The following ACBD3 variants were observed in gnomAD, a reference collection of about 807,000 sequenced individuals.
ACBD3 encodes acyl-CoA binding domain containing 3.
In ACBD3, 30 loss-of-function variants were observed where a neutral mutation model predicts 66.9. That is an observed-to-expected ratio of 0.45 (90% CI 0.34 to 0.61). The LOEUF (loss-of-function observed/expected upper bound fraction) is 0.61, where lower values mean the gene tolerates loss of function less well. ACBD3 is among the 20% of genes least tolerant of loss of function. The pLI is 0.02. For missense variants in ACBD3, 544 were observed against 664.5 expected, an observed-to-expected ratio of 0.82 and a Z score of 1.99; for synonymous variants, 278 against 259.8, an observed-to-expected ratio of 1.07 and a Z score of -0.68.
chr1:226,170,008 G>A (rs1316480575), intron 1 of ACBD3, among the ~76,000 whole-genome samples: 2 of 122,300 alleles, frequency 1.6e-5, no homozygotes, highest in African/African-American at 3.1e-5. Flanking sequence ...GAAACAGAGC[G>A]AGATTCCATC....
At chr1:226,186,369 G>A (rs1009644415) in intron 1 of ACBD3, 21 bp downstream of exon 1, 1 of 1,503,106 alleles carries the variant, frequency 6.7e-7, no homozygotes, top group Non-Finnish European at 8.9e-7. Context: ...AAGCGGCGGG[G>A]GTGGGGCTGG....
chr1:226,178,122 G>A (rs1452561654), intron 1 of ACBD3, among the ~76,000 whole-genome samples: 2 of 151,914 alleles, frequency 1.3e-5, no homozygotes, highest in Non-Finnish European at 2.9e-5. Context: ...CATTTTTCAG[G>A]CAATTAAAAA....
chr1:226,173,275 C>T (rs557032581), intron 1 of ACBD3, among the ~76,000 whole-genome samples: 2 of 151,882 alleles, frequency 1.3e-5, no homozygotes, highest in South Asian at 2.1e-4. Flanking sequence ...TGTCTCAAAA[C>T]GAAACAAAAT....
At chr1:226,180,647 G>C (rs79547729) in intron 1 of ACBD3, among the ~76,000 whole-genome samples, 1 of 152,252 alleles carries the variant, frequency 6.6e-6, no homozygotes, top group African/African-American at 2.4e-5. Context: ...GTGTACTTTA[G>C]TGCACTGCAT....
rs538406368 is a variant in ACBD3, at chr1:226,179,386, G to T, written c.286+7004C>A. Among the ~76,000 whole-genome samples, 55 of 152,104 alleles carry T rather than the reference G, an allele frequency of 3.6e-4. 1 individual carries two copies. Among genetic ancestry groups the T allele is most frequent in the African/African-American group, 1.2e-3 (48 of 41,494 alleles). ...GATGCCTCAAACAAGCAGTATCCACGGCTTGTTTGAGGTGTACTCCTTGGT... is the reference window on the plus strand; with the variant it reads ...GATGCCTCAAACAAGCAGTATCCACTGCTTGTTTGAGGTGTACTCCTTGGT... On this transcript the variant is annotated intron_variant, in intron 1 of 7. Coordinates refer to ENST00000366812, the MANE Select transcript of ACBD3 (RefSeq NM_022735.4).
chr1:226,154,790 G>T lies in ACBD3; in HGVS notation c.947C>A (p.Ser316Tyr). 1 of 1,612,270 alleles carries T rather than the reference G, an allele frequency of 6.2e-7. No homozygotes were observed. Among genetic ancestry groups the T allele is most frequent in the Non-Finnish European group, 8.5e-7 (1 of 1,179,090 alleles). ...KQQEVVVAGSSLPTSSKVNAT... is the reference protein window; with the variant it reads ...KQQEVVVAGSYLPTSSKVNAT... Reference sequence around the variant, plus strand: ...ATTCACTTTTGATGATGTAGGCAAGGAAGACCCAGCCACTACTACTTCCTG... The same window carrying T: ...ATTCACTTTTGATGATGTAGGCAAGTAAGACCCAGCCACTACTACTTCCTG... Residue 316 changes from serine (S) to tyrosine (Y), a missense_variant, in exon 6 of 8, where the codon TCC becomes TAC. Physicochemically the swap from Ser to Tyr is moderately radical, Grantham distance 144. This residue lies in a region of ACBD3 where 383 missense variants were observed against 462.4 expected (regional missense o/e 0.83). Transcript: ENST00000366812.
intron 1 of ACBD3, among the ~76,000 whole-genome samples, chr1:226,174,065 G>T (rs958363438): frequency 5.3e-5 from 8 of 151,788 alleles, no homozygotes; most frequent in Non-Finnish European, 8.8e-5. Context: ...ACCCAACCAA[G>T]AATAATTTTC....
At position 226,186,379 on chromosome 1, in the gene ACBD3, G is replaced by C. The variant is rs1406785336; in HGVS notation, c.286+11C>G. The C allele has an allele frequency of 6.6e-7, 1 of 1,511,460 alleles. No individual in the cohort carries two copies. The highest frequency in any genetic ancestry group is 1.4e-5 in the African/African-American group (1 of 69,028). The allele number at this position is 1,511,460 out of a possible 1,614,324, so 93.6% of individuals were successfully genotyped here. ...GGCAGAAGCGGCGGGGGTGGGGCTG[G>C]CCCGGCTCACCTTTGAAGAAGCGCA... On this transcript the variant is annotated intron_variant, in intron 1 of 7. Coordinates refer to ENST00000366812, the MANE Select transcript of ACBD3 (RefSeq NM_022735.4).
chr1:226,184,801 G>GA (rs1186341460), intron 1 of ACBD3, among the ~76,000 whole-genome samples: 2 of 151,248 alleles, frequency 1.3e-5, no homozygotes, highest in Non-Finnish European at 2.9e-5. Context: ...ATATTGAAGC[G>GA]ATTCTTTTTT....
At chr1:226,176,429 CAAAAA>C (rs34313392) in intron 1 of ACBD3, among the ~76,000 whole-genome samples, 3 of 83,346 alleles carry the variant, frequency 3.6e-5, no homozygotes, top group Non-Finnish European at 6.6e-5. Flanking sequence ...GACTCCGTCT[CAAAAA>C]AAAAAAAAAA....
At chr1:226,148,691 T>C (rs1355493047) in intron 7 of ACBD3, among the ~76,000 whole-genome samples, 1 of 152,208 alleles carries the variant, frequency 6.6e-6, no homozygotes, top group East Asian at 1.9e-4. Context: ...TCCATGCTTC[T>C]TCAGAGAAAG....
rs1185706555 is a variant in ACBD3 at position 226,149,025 on chromosome 1, T to A, written c.1376-2204A>T. Among the ~76,000 whole-genome samples the A allele has an allele frequency of 2.0e-5, 3 of 152,192 alleles. No individual in the cohort carries two copies. The East Asian group carries it at 5.8e-4, about 29-fold the overall frequency. The stretch of plus-strand genomic sequence containing the variant: ...CATATTAGAACTAAGATCAAGGATA[T>A]TAAGGTTCTTACCTCTAGAAATGAA... On this transcript the variant is annotated intron_variant, in intron 7 of 7. Coordinates refer to ENST00000366812, the MANE Select transcript of ACBD3 (RefSeq NM_022735.4).
At chr1:226,174,334 A>C (rs1280271059) in intron 1 of ACBD3, among the ~76,000 whole-genome samples, 1 of 152,238 alleles carries the variant, frequency 6.6e-6, no homozygotes, top group Non-Finnish European at 1.5e-5. Flanking sequence ...TATGGCAAAC[A>C]AAACCAAACA....
At chr1:226,170,007 C>T (rs1239866475) in intron 1 of ACBD3, among the ~76,000 whole-genome samples, 1 of 119,228 alleles carries the variant, frequency 8.4e-6, no homozygotes, top group African/African-American at 3.2e-5. Flanking sequence ...AGAAACAGAG[C>T]GAGATTCCAT....
At chr1:226,157,716 TC>T (rs1270891702) in intron 5 of ACBD3, among the ~76,000 whole-genome samples, 1 of 152,142 alleles carries the variant, frequency 6.6e-6, no homozygotes, top group Non-Finnish European at 1.5e-5. Flanking sequence ...ATTTTTTTTT[TC>T]TTTTTTAAGA....
At chr1:226,184,602 C>T (rs1463646153) in intron 1 of ACBD3, among the ~76,000 whole-genome samples, 5 of 152,128 alleles carry the variant, frequency 3.3e-5, no homozygotes, top group African/African-American at 1.2e-4. Context: ...GAAACTGATT[C>T]TGGAAAAGTT....
intron 1 of ACBD3, among the ~76,000 whole-genome samples, chr1:226,168,175 T>C (rs1255001019): frequency 6.6e-6 from 1 of 152,224 alleles, no homozygotes; most frequent in East Asian, 1.9e-4. Context: ...ATTTGTATAT[T>C]GTAATTATAT....
At chr1:226,183,716 C>T (rs2102792611) in intron 1 of ACBD3, among the ~76,000 whole-genome samples, 2 of 151,910 alleles carry the variant, frequency 1.3e-5, no homozygotes, top group South Asian at 4.2e-4. Context: ...GAAACCCCGT[C>T]TCTACTAGAA....
intron 5 of ACBD3, among the ~76,000 whole-genome samples, chr1:226,156,020 G>T (rs1028675855): frequency 6.6e-6 from 1 of 152,130 alleles, no homozygotes; most frequent in African/African-American, 2.4e-5. Flanking sequence ...AGGTAACTTT[G>T]GTGGGGAACT....
Sources: allele counts gnomAD v4.1 joint callset (sites outside exome capture counted in the v4.1 genomes callset), GRCh38; gene constraint gnomAD v4.1.1; regional missense constraint gnomAD v4.1.1; transcripts MANE v1.5; gene names NCBI Gene and HGNC (gene_info 2026-07-23, HGNC 2026-07-21).